The following SYNE2 variants were observed in gnomAD, a reference collection of about 807,000 sequenced individuals.
The protein encoded by SYNE2 is nesprin-2.
Under a neutral mutation model 856.3 loss-of-function variants are expected in SYNE2, and 431 were observed. The observed-to-expected ratio is 0.50, with a 90% CI of 0.47 to 0.55. SYNE2 has a LOEUF of 0.55. Among genes scored for constraint, SYNE2 ranks in the 20% least tolerant of loss-of-function variants. The pLI is 0.00. For synonymous variants in SYNE2, 2,923 were observed against 2,872.3 expected, an observed-to-expected ratio of 1.02 and a Z score of -0.56; for missense variants, 8,129 against 8,023.2, an observed-to-expected ratio of 1.01 and a Z score of -0.50.
At position 64,010,914 on chromosome 14, in the gene SYNE2, T is replaced by C. The variant is rs369827977; in HGVS notation, c.4728+798T>C. 1.7e-3 allele frequency among the ~76,000 whole-genome samples: 257 copies of C among 152,338 alleles called. 1 individual carries two copies. The highest frequency in any genetic ancestry group is 5.9e-3 in the African/African-American group (245 of 41,582). Reference sequence around the variant, plus strand: ...TCTGCTTCCCAAATTGCTGGGTTTATAGGCATGAGTCACCACGCCTGGCCT... The same window carrying C: ...TCTGCTTCCCAAATTGCTGGGTTTACAGGCATGAGTCACCACGCCTGGCCT... On this transcript the variant is annotated intron_variant, in intron 32 of 115. Transcript: ENST00000555002.
At chr14:64,133,683 A>C (rs1257915145) in intron 77 of SYNE2, among the ~76,000 whole-genome samples, 14 of 152,080 alleles carry the variant, frequency 9.2e-5, no homozygotes, top group Admixed American at 9.2e-4. Flanking sequence ...CTGTTGAGTA[A>C]GGGTCTAAAA....
intron 2 of SYNE2, among the ~76,000 whole-genome samples, chr14:63,940,153 C>T (rs946897815): frequency 2.0e-5 from 3 of 149,458 alleles, no homozygotes; most frequent in Non-Finnish European, 4.4e-5. Context: ...TCACGACTCA[C>T]TGCAGCCTTG....
intron 2 of SYNE2, among the ~76,000 whole-genome samples, chr14:63,912,881 G>T (rs2095489760): frequency 6.6e-6 from 1 of 152,166 alleles, no homozygotes; most frequent in African/African-American, 2.4e-5. Flanking sequence ...TCTTTTCATT[G>T]ATTTTTTTGT....
intron 39 of SYNE2, among the ~76,000 whole-genome samples, 193 bp downstream of exon 39, chr14:64,024,652 A>G (rs1204070558): frequency 1.3e-5 from 2 of 152,204 alleles, no homozygotes; most frequent in Non-Finnish European, 2.9e-5. Context: ...TAATGTAGCA[A>G]AGGTTCATGG....
chr14:63,974,886 GTGTGTGTATATATATATATATATATATA>G lies in SYNE2; in HGVS notation c.1129-1675_1129-1648del, dbSNP rs2096526042. ...TGTGTGTGTGTGTGTGTGTGTGTGT[GTGTGTGTATATATATATATATATATATA>G]TATGTATCTTGAGACAGGGTCTCAC... On this transcript the variant is annotated intron_variant, in intron 11 of 115. Coordinates refer to ENST00000555002, the MANE Select transcript of SYNE2 (RefSeq NM_182914.3). Among the ~76,000 whole-genome samples, 8 of 26,290 alleles carry G rather than the reference GTGTGTGTATATATATATATATATATATA, an allele frequency of 3.0e-4. No individual in the cohort carries two copies. The East Asian group carries it at 8.2e-3, about 27-fold the overall frequency. 17.2% of individuals were successfully genotyped at this position (26,290 alleles called of 152,430 possible).
At chr14:63,781,668 C>CTA (rs35409066) in intron 1 of SYNE2, among the ~76,000 whole-genome samples, 4 of 149,562 alleles carry the variant, frequency 2.7e-5, no homozygotes, top group South Asian at 2.1e-4. Context: ...TTCTCTCTCT[C>CTA]TATATATATA....
At chr14:64,163,725 T>C in intron 89 of SYNE2, 144 bp downstream of exon 89, 1 of 883,142 alleles carries the variant, frequency 1.1e-6, no homozygotes, top group South Asian at 1.4e-5. Flanking sequence ...TGTATACGAT[T>C]CTAGCTTCAA....
intron 21 of SYNE2, among the ~76,000 whole-genome samples, chr14:63,991,935 CTCTG>C (rs1382584717): frequency 6.7e-6 from 1 of 148,168 alleles, no homozygotes; most frequent in Non-Finnish European, 1.5e-5. Context: ...TCATCACGGC[CTCTG>C]TCTGTCTTCT....
At position 64,142,085 on chromosome 14, in the gene SYNE2, C is replaced by G. The variant is rs773160495; in HGVS notation, c.15303C>G (p.His5101Gln). 7 of 1,614,038 alleles carry G rather than the reference C, an allele frequency of 4.3e-6. No individual in the cohort carries two copies. Among genetic ancestry groups the G allele is most frequent in the Non-Finnish European group, 5.9e-6 (7 of 1,179,968 alleles). The change falls in exon 82 of 116, where the codon CAC (histidine) becomes CAG (glutamine). Residue 5101 changes from histidine to glutamine, a missense_variant. His to Gln is a conservative substitution (Grantham distance 24, BLOSUM62 0). Coordinates refer to ENST00000555002, the MANE Select transcript of SYNE2 (RefSeq NM_182914.3). Reference sequence around the variant, plus strand: ...AAGTTAAACATCTTCTTCAGAAGCACAAGGTAATTATGCAAAAGGAGCAGA... The same window carrying G: ...AAGTTAAACATCTTCTTCAGAAGCAGAAGGTAATTATGCAAAAGGAGCAGA... The part of the protein sequence containing the change: ...ASQVKHLLQK[H>Q]KEFRMEMDYK...
At position 64,089,470 on chromosome 14, in the gene SYNE2, C is replaced by T. The variant is rs1567261626; in HGVS notation, c.11671-104C>T. ...GTTTTTCAGAGGTATAGATGGCAGA[C>T]ATTATTTGGCTAAATAAGAGAATAA... On this transcript the variant is annotated intron_variant, in intron 58 of 115. Coordinates refer to ENST00000555002, the MANE Select transcript of SYNE2 (RefSeq NM_182914.3). The T allele has an allele frequency of 8.1e-6, 8 of 987,546 alleles. No individual in the cohort carries two copies. The East Asian group carries it at 3.0e-4, about 37-fold the overall frequency. 61.2% of individuals were successfully genotyped at this position (987,546 alleles called of 1,614,324 possible).
In SYNE2 at chr14:64,221,642, G is replaced by T; in HGVS notation, c.20128G>T (p.Ala6710Ser). 6.2e-7 allele frequency: 1 copy of T among 1,614,138 alleles called. No individual in the cohort carries two copies. Among genetic ancestry groups the T allele is most frequent in the African/African-American group, 1.3e-5 (1 of 75,026 alleles). The change falls in exon 112 of 116, where the codon GCT (alanine) becomes TCT (serine). Residue 6710 changes from alanine to serine, a missense_variant. By Grantham distance (99) the Ala-to-Ser change is moderately conservative. Transcript: ENST00000555002. ...LASAKNRRQK[A>S]HVTDPKADPR... is the part of the protein sequence containing the mutation. ...GAGTGCCAAGAACCGGAGGCAGAAG[G>T]CTCATGTCACCGATCCAAAGGCAGA...
intron 31 of SYNE2, 117 bp from the exon 32 acceptor site, chr14:64,009,849 C>T (rs2096829955): frequency 2.3e-6 from 2 of 870,464 alleles, no homozygotes; most frequent in South Asian, 1.6e-5. Context: ...TTAAGAACCA[C>T]ATCAAGAGGA....
At chr14:63,916,676 T>C (rs1478718849) in intron 2 of SYNE2, among the ~76,000 whole-genome samples, 1 of 152,192 alleles carries the variant, frequency 6.6e-6, no homozygotes, top group South Asian at 2.1e-4. Flanking sequence ...GTGTCTATGA[T>C]GTTTAGGGGC....
chr14:63,953,093 A>G (rs575569188), intron 7 of SYNE2, among the ~76,000 whole-genome samples: 10 of 152,340 alleles, frequency 6.6e-5, no homozygotes, highest in Admixed American at 2.6e-4. Context: ...GGTGAACAAG[A>G]AGGGCAAAGC....
chr14:64,007,750 C>T (rs1027097001), intron 31 of SYNE2, among the ~76,000 whole-genome samples: 2 of 152,136 alleles, frequency 1.3e-5, no homozygotes, highest in African/African-American at 4.8e-5. Context: ...AGTTCTCATG[C>T]CTGTAATCCC....
At chr14:64,196,481 A>G (rs2098541114) in intron 99 of SYNE2, among the ~76,000 whole-genome samples, 1 of 152,214 alleles carries the variant, frequency 6.6e-6, no homozygotes, top group South Asian at 2.1e-4. Context: ...CACAAAGCAG[A>G]TAAACTAAAT....
chr14:63,793,656 C>T (rs985472598), intron 1 of SYNE2, among the ~76,000 whole-genome samples: 7 of 152,064 alleles, frequency 4.6e-5, no homozygotes, highest in Non-Finnish European at 8.8e-5. Context: ...AGTTGTTGGG[C>T]TGGGCACAGT....
At chr14:63,974,882 G>GTATATATATATATA (rs1465256139) in intron 11 of SYNE2, among the ~76,000 whole-genome samples, 8 of 27,124 alleles carry the variant, frequency 2.9e-4, no homozygotes, top group Admixed American at 8.3e-4. Context: ...GTGTGTGTGT[G>GTATATATATATATA]TGTGTGTGTG....
In SYNE2 at chr14:63,842,076, C is replaced by T. The variant is rs113804767; in HGVS notation, c.-304-10425C>T. 1.3e-3 allele frequency among the ~76,000 whole-genome samples: 195 copies of T among 151,962 alleles called. 2 individuals are homozygous for T. The highest frequency in any genetic ancestry group is 4.4e-3 in the African/African-American group (184 of 41,452). On this transcript the variant is annotated intron_variant, in intron 1 of 23. Coordinates refer to the SYNE2 transcript ENST00000674003. The stretch of plus-strand genomic sequence containing the variant: ...GTCTCAATCTCCTGACCTCATGATC[C>T]GCTTGCCTCAGCCTCCCAAAGTGCT...
Sources: gnomAD v4.1 joint callset for allele counts (sites outside exome capture counted in the v4.1 genomes callset) on GRCh38, gnomAD v4.1.1 for gene constraint, MANE v1.5 for transcripts, NCBI Gene and HGNC (gene_info 2026-07-23, HGNC 2026-07-21) for gene names.